Variants in CSMD1 observed in about 807,000 individuals in gnomAD.
CSMD1 encodes the protein CUB and sushi domain-containing protein 1.
In CSMD1, 213 loss-of-function variants were observed where a neutral mutation model predicts 417.5. That is an observed-to-expected ratio of 0.51 (90% CI 0.46 to 0.57). The LOEUF (loss-of-function observed/expected upper bound fraction) is 0.57, where lower values mean the gene tolerates loss of function less well. Ranked by LOEUF, CSMD1 falls within the 20% of genes least tolerant of loss-of-function variation. CSMD1 has a pLI of 0.00. For missense variants in CSMD1, 6,923 were observed against 4,529.7 expected, an observed-to-expected ratio of 1.53 and a Z score of -15.17; for synonymous variants, 2,862 against 1,736.8, an observed-to-expected ratio of 1.65 and a Z score of -16.11.
Position 3,306,498 on chromosome 8 carries a change from C to T in CSMD1, c.3950+1197G>A, listed in dbSNP as rs371034254. Among the ~76,000 whole-genome samples the T allele has an allele frequency of 1.5e-3, 228 of 152,134 alleles. 1 individual carries two copies. The highest frequency in any genetic ancestry group is 4.5e-3 in the African/African-American group (186 of 41,496). On this transcript the variant is annotated intron_variant, in intron 25 of 69. Coordinates refer to ENST00000635120, the MANE Select transcript of CSMD1 (RefSeq NM_033225.6). Reference sequence around the variant, plus strand: ...GACCTGTAACTTTTTTTCAGCTTCACGTATGTGTAGGAGGAGCTGAAGCAG... The same window carrying T: ...GACCTGTAACTTTTTTTCAGCTTCATGTATGTGTAGGAGGAGCTGAAGCAG...
intron 1 of CSMD1, among the ~76,000 whole-genome samples, chr8:4,763,222 G>A (rs2117105812): frequency 6.6e-6 from 1 of 152,278 alleles, no homozygotes; most frequent in South Asian, 2.1e-4. Flanking sequence ...GTTATTCCGT[G>A]TTTTCTTTCT....
At chr8:4,278,670 C>A (rs576278868) in intron 3 of CSMD1, among the ~76,000 whole-genome samples, 1 of 152,054 alleles carries the variant, frequency 6.6e-6, no homozygotes, top group Non-Finnish European at 1.5e-5. Context: ...TATTAACATA[C>A]CGAACAGTCT....
chr8:4,233,610 G>A (rs7822226), intron 3 of CSMD1, among the ~76,000 whole-genome samples: 62,115 of 151,852 alleles, frequency 0.41, 14,684 homozygotes, highest in Non-Finnish European at 0.54. Context: ...CCCCAACCAG[G>A]ACACCTTGAT....
intron 2 of CSMD1, among the ~76,000 whole-genome samples, chr8:4,427,789 C>G (rs376156259): frequency 6.6e-5 from 10 of 152,096 alleles, no homozygotes; most frequent in African/African-American, 2.4e-4. Context: ...ATTTTTATCA[C>G]AATGTATAAC....
At chr8:3,962,808 A>T (rs905723191) in intron 5 of CSMD1, among the ~76,000 whole-genome samples, 3 of 152,180 alleles carry the variant, frequency 2.0e-5, no homozygotes, top group African/African-American at 7.2e-5. Context: ...ATTGAGGGCA[A>T]TAAGTTTCTT....
At position 4,397,408 on chromosome 8, in the gene CSMD1, A is replaced by G. The variant is rs141002612; in HGVS notation, c.415+22545T>C. Reference sequence around the variant, plus strand: ...GAAAAGAGAAGTTACTTCATTCAAAATAAGAAATCATTAGGAACATGGAAA... The same window carrying G: ...GAAAAGAGAAGTTACTTCATTCAAAGTAAGAAATCATTAGGAACATGGAAA... On this transcript the variant is annotated intron_variant, in intron 3 of 69. Coordinates refer to ENST00000635120, the MANE Select transcript of CSMD1 (RefSeq NM_033225.6). Among the ~76,000 whole-genome samples the G allele has an allele frequency of 1.6e-3, 249 of 152,326 alleles. 1 individual carries two copies. The highest frequency in any genetic ancestry group is 5.6e-3 in the African/African-American group (234 of 41,580).
intron 1 of CSMD1, among the ~76,000 whole-genome samples, chr8:4,898,822 A>T (rs766852811): frequency 5.9e-5 from 9 of 152,156 alleles, no homozygotes; most frequent in Non-Finnish European, 1.0e-4. Flanking sequence ...TCTATTAATC[A>T]AAAGTTGTGG....
chr8:4,243,145 A>T (rs1236482272), intron 3 of CSMD1, among the ~76,000 whole-genome samples: 2 of 152,060 alleles, frequency 1.3e-5, no homozygotes, highest in South Asian at 4.1e-4. Flanking sequence ...AGTTGGAAAA[A>T]GGAGAGGAGG....
At chr8:2,979,203 C>A (rs2128938009) in intron 54 of CSMD1, among the ~76,000 whole-genome samples, 1 of 152,338 alleles carries the variant, frequency 6.6e-6, no homozygotes, top group South Asian at 2.1e-4. Context: ...TAATTACCCC[C>A]CAACACACAT....
intron 1 of CSMD1, among the ~76,000 whole-genome samples, chr8:4,855,561 C>T (rs183119923): frequency 1.3e-3 from 193 of 152,176 alleles, no homozygotes; most frequent in African/African-American, 4.4e-3. Context: ...ATACCAAGAA[C>T]TGCTTAAAGG....
At chr8:4,560,742 C>G (rs1434218736) in intron 2 of CSMD1, among the ~76,000 whole-genome samples, 1 of 152,186 alleles carries the variant, frequency 6.6e-6, no homozygotes, top group East Asian at 1.9e-4. Flanking sequence ...CGGTTCCCAT[C>G]TTTCCTTCCT....
chr8:4,648,108 C>T (rs966861171), intron 1 of CSMD1, among the ~76,000 whole-genome samples: 1 of 152,168 alleles, frequency 6.6e-6, no homozygotes, highest in Non-Finnish European at 1.5e-5. Flanking sequence ...AATTGCCATT[C>T]TGACTGGCAT....
At chr8:3,679,133 G>C (rs1799525827) in intron 7 of CSMD1, among the ~76,000 whole-genome samples, 2 of 152,168 alleles carry the variant, frequency 1.3e-5, no homozygotes, top group South Asian at 4.2e-4. Flanking sequence ...CAACTAATGA[G>C]CACAATAACC....
At chr8:4,445,668 G>C (rs115185438) in intron 2 of CSMD1, among the ~76,000 whole-genome samples, 4 of 152,250 alleles carry the variant, frequency 2.6e-5, no homozygotes, top group African/African-American at 7.2e-5. Context: ...AGCCACTAGA[G>C]AACATTACAT....
At chr8:3,816,190 C>T (rs1801355997) in intron 5 of CSMD1, among the ~76,000 whole-genome samples, 1 of 152,160 alleles carries the variant, frequency 6.6e-6, no homozygotes, top group South Asian at 2.1e-4. Context: ...CTCTCTGCAT[C>T]TGGGAGAATC....
intron 52 of CSMD1, among the ~76,000 whole-genome samples, chr8:3,017,540 C>G (rs951429852): frequency 6.6e-6 from 1 of 151,216 alleles, no homozygotes; most frequent in Admixed American, 6.6e-5. Flanking sequence ...GTGTGAGAAA[C>G]CAAGCAGCAT....
chr8:4,267,896 A>G (rs1015049916), intron 3 of CSMD1, among the ~76,000 whole-genome samples: 1 of 152,116 alleles, frequency 6.6e-6, no homozygotes, highest in Non-Finnish European at 1.5e-5. Flanking sequence ...TAAACACTGT[A>G]ATGACTGAAA....
rs190770138 is a variant in CSMD1, at chr8:3,484,829, C to T, written c.1448+8794G>A. Among the ~76,000 whole-genome samples, 11 of 152,246 alleles carry T rather than the reference C, an allele frequency of 7.2e-5. No individual in the cohort carries two copies. The East Asian group carries it at 1.7e-3, about 24-fold the overall frequency. On this transcript the variant is annotated intron_variant, in intron 11 of 69. Coordinates refer to ENST00000635120, the MANE Select transcript of CSMD1 (RefSeq NM_033225.6). ...GTAAATAAGCATCTGACAAAATGTT[C>T]AGTATCATTAGCCATCAGGAAAATG...
chr8:4,087,186 C>G (rs538342106), intron 3 of CSMD1, among the ~76,000 whole-genome samples: 8 of 152,176 alleles, frequency 5.3e-5, no homozygotes, highest in Non-Finnish European at 1.0e-4. Context: ...CAGGGCATCT[C>G]AGCACAACTT....
Sources: allele counts gnomAD v4.1 joint callset (sites outside exome capture counted in the v4.1 genomes callset), GRCh38; gene constraint gnomAD v4.1.1; transcripts MANE v1.5; gene names NCBI Gene and HGNC (gene_info 2026-07-23, HGNC 2026-07-21).